Variants in CCDC83 observed in about 807,000 individuals in gnomAD.
CCDC83 encodes the protein coiled-coil domain-containing protein 83.
In CCDC83, 54 loss-of-function variants were observed where a neutral mutation model predicts 50.1. That is an observed-to-expected ratio of 1.08 (90% CI 0.87 to 1.35). CCDC83 has a LOEUF of 1.35. CCDC83 is among the 40% of genes most tolerant of loss of function. The pLI is 0.00. For missense variants in CCDC83, 518 were observed against 473.9 expected (o/e 1.09, Z -0.86); for synonymous variants, 161 against 153.3 (o/e 1.05, Z -0.37).
chr11:85,919,193 T>C lies in CCDC83; in HGVS notation c.1081-156T>C, dbSNP rs2093497038. On this transcript the variant is annotated intron_variant, in intron 10 of 10. Transcript: ENST00000342404. ...TATTTTGTTTTTTTCCCATTTATAG[T>C]GGCTCTCATATTTCATGTGCTACAC... Among the ~76,000 whole-genome samples, 3 of 152,342 alleles carry C rather than the reference T, an allele frequency of 2.0e-5. No individual in the cohort carries two copies. The South Asian group carries it at 6.2e-4, about 32-fold the overall frequency.
rs201737350 is a variant in CCDC83 at position 85,915,370 on chromosome 11, A to G, written c.795-49A>G. The G allele has an allele frequency of 3.9e-6, 5 of 1,283,702 alleles. No homozygotes were observed. In the East Asian group the frequency reaches 6.9e-5, roughly 18 times the overall value. The allele number at this position is 1,283,702 out of a possible 1,614,324, so 79.5% of individuals were successfully genotyped here. A position where few individuals can be genotyped will look rare whatever the true frequency, so the allele number is the denominator to read the frequency against. On this transcript the variant is annotated intron_variant, in intron 8 of 10. Transcript: ENST00000342404. ...AGAGATAGACCCTAGTAAGCATGCA[A>G]TGCAATATTTATTGACTGACAGATT... is the stretch of plus-strand genomic sequence containing the variant.
intron 1 of CCDC83, among the ~76,000 whole-genome samples, chr11:85,860,687 A>G (rs2093171010): frequency 1.3e-5 from 2 of 152,242 alleles, no homozygotes; most frequent in African/African-American, 4.8e-5. Context: ...ACATGGACTC[A>G]TGTTCATCGC....
intron 7 of CCDC83, among the ~76,000 whole-genome samples, chr11:85,901,578 T>TAAAAC (rs1158083900): frequency 1.1e-5 from 1 of 90,360 alleles, no homozygotes; most frequent in Non-Finnish European, 2.4e-5. Context: ...GTCTCAAAAA[T>TAAAAC]AAAATAAAAT....
At chr11:85,862,879 G>A (rs1046628117) in intron 1 of CCDC83, among the ~76,000 whole-genome samples, 5 of 152,192 alleles carry the variant, frequency 3.3e-5, no homozygotes, top group African/African-American at 1.2e-4. Flanking sequence ...TTCTTAAAGT[G>A]TGTGAAACAA....
rs2093388110 is a variant in CCDC83, at chr11:85,898,996, A to G, written c.653A>G (p.Asn218Ser). 6.2e-7 allele frequency: 1 copy of G among 1,610,856 alleles called. No individual in the cohort carries two copies. Among genetic ancestry groups the G allele is most frequent in the African/African-American group, 1.3e-5 (1 of 74,830 alleles). Residue 218 changes from asparagine (N) to serine (S), a missense_variant, in exon 7 of 11, where the codon AAT (asparagine) becomes AGT (serine). Coordinates refer to ENST00000342404, the MANE Select transcript of CCDC83 (RefSeq NM_001286159.2). The stretch of plus-strand genomic sequence containing the variant: ...GGCAGTTATCTAGAGATCTGGGAGA[A>G]TGACTGGCTCAAAAAAGAGGTAAGT... ...DKGSYLEIWENDWLKKEVAIH... is the reference protein window; with the variant it reads ...DKGSYLEIWESDWLKKEVAIH...
At chr11:85,889,515 C>T (rs1032733397) in intron 5 of CCDC83, among the ~76,000 whole-genome samples, 1 of 152,146 alleles carries the variant, frequency 6.6e-6, no homozygotes, top group African/African-American at 2.4e-5. Flanking sequence ...GTGTTATTTT[C>T]CATTAGTTTT....
intron 2 of CCDC83, among the ~76,000 whole-genome samples, chr11:85,868,209 G>A (rs1001794890): frequency 4.6e-5 from 7 of 152,128 alleles, no homozygotes; most frequent in South Asian, 4.1e-4. Flanking sequence ...TAAAATTATC[G>A]TCTCTGAATA....
At chr11:85,908,608 T>TAGATAGATAGATAGAC (rs1189804934) in intron 7 of CCDC83, among the ~76,000 whole-genome samples, 2 of 133,178 alleles carry the variant, frequency 1.5e-5, no homozygotes, top group African/African-American at 2.8e-5. Flanking sequence ...GATAGATAGA[T>TAGATAGATAGATAGAC]AGACAGATAG....
chr11:85,869,271 T>G (rs1337169112), intron 2 of CCDC83, among the ~76,000 whole-genome samples: 3 of 152,208 alleles, frequency 2.0e-5, no homozygotes, highest in Non-Finnish European at 4.4e-5. Context: ...CATGAACTTC[T>G]ATGGTTGTTT....
intron 2 of CCDC83, among the ~76,000 whole-genome samples, chr11:85,865,758 C>T (rs11234452): frequency 0.26 from 39,048 of 151,788 alleles, 5,274 homozygotes; most frequent in African/African-American, 0.27. Context: ...CATGGTGGCG[C>T]GTGCCTGTAA....
At chr11:85,855,923 G>C (rs7106682) in intron 1 of CCDC83, among the ~76,000 whole-genome samples, 87,313 of 152,030 alleles carry the variant, frequency 0.57, 25,422 homozygotes, top group African/African-American at 0.61. Flanking sequence ...ATGCTCTTCC[G>C]CTGTAGGTAC....
intron 2 of CCDC83, among the ~76,000 whole-genome samples, chr11:85,869,336 C>T (rs780456873): frequency 1.3e-5 from 2 of 152,178 alleles, no homozygotes; most frequent in Non-Finnish European, 2.9e-5. Context: ...AAGTGATCAT[C>T]TCTAAGTAAC....
intron 7 of CCDC83, among the ~76,000 whole-genome samples, chr11:85,902,134 A>G (rs1370979584): frequency 6.6e-6 from 1 of 151,952 alleles, no homozygotes. Flanking sequence ...TCAGAACACC[A>G]AGAACAAAAG....
intron 3 of CCDC83, among the ~76,000 whole-genome samples, chr11:85,879,225 T>C (rs2093285354): frequency 6.6e-6 from 1 of 152,232 alleles, no homozygotes; most frequent in African/African-American, 2.4e-5. Flanking sequence ...CTCAAAGATT[T>C]TCTCCTATGT....
At chr11:85,919,243 G>A in intron 10 of CCDC83, 106 bp from the exon 11 acceptor site, 1 of 1,020,772 alleles carries the variant, frequency 9.8e-7, no homozygotes, top group Non-Finnish European at 1.4e-6. Context: ...AGGGGGCAAT[G>A]AAGTCTGTCA....
At chr11:85,875,305 T>C (rs139295340) in intron 3 of CCDC83, among the ~76,000 whole-genome samples, 69 of 152,358 alleles carry the variant, frequency 4.5e-4, no homozygotes, top group African/African-American at 1.3e-3. Context: ...GTTATCAATA[T>C]GGTTGGAGGA....
rs190669439 is a variant in CCDC83 at position 85,865,757 on chromosome 11, G to A, written c.95+539G>A. Among the ~76,000 whole-genome samples, 161 of 152,114 alleles carry A rather than the reference G, an allele frequency of 1.1e-3. 2 individuals are homozygous for A. The East Asian group carries it at 0.015, about 14-fold the overall frequency. Reference sequence around the variant, plus strand: ...CCAAAAATTAGTCGGGCATGGTGGCGCGTGCCTGTAATCCCAGCTTCTCGG... The same window carrying A: ...CCAAAAATTAGTCGGGCATGGTGGCACGTGCCTGTAATCCCAGCTTCTCGG... On this transcript the variant is annotated intron_variant, in intron 2 of 10. Transcript: ENST00000342404.
At chr11:85,917,162 G>GAA (rs1474775065) in intron 10 of CCDC83, among the ~76,000 whole-genome samples, 1,298 of 65,326 alleles carry the variant, frequency 0.02, 22 homozygotes, top group East Asian at 0.12. Flanking sequence ...GAGAGAGAGA[G>GAA]AGAGAGAAAG....
At chr11:85,886,426 T>G in intron 5 of CCDC83, 59 bp downstream of exon 5, 1 of 1,374,770 alleles carries the variant, frequency 7.3e-7, no homozygotes, top group East Asian at 2.5e-5. Flanking sequence ...AGGGCATACA[T>G]TGATGGAAGA....
Sources: allele counts gnomAD v4.1 joint callset (sites outside exome capture counted in the v4.1 genomes callset), GRCh38; gene constraint gnomAD v4.1.1; transcripts MANE v1.5; gene names NCBI Gene and HGNC (gene_info 2026-07-23, HGNC 2026-07-21).